KLHL1: variants seen among roughly 807,000 people sequenced by gnomAD.
The protein encoded by KLHL1 is kelch-like protein 1.
In KLHL1, 47 loss-of-function variants were observed where a neutral mutation model predicts 77.7. The ratio of observed to expected loss-of-function variants is 0.60; its 90% CI spans 0.48 to 0.77. KLHL1 has a LOEUF of 0.77. KLHL1 is among the 30% of genes least tolerant of loss of function. The pLI, the probability that KLHL1 is intolerant of heterozygous loss-of-function variation, is 0.00. For synonymous variants in KLHL1, 360 were observed against 325.2 expected (o/e 1.11, Z -1.15); for missense variants, 925 against 910.8 (o/e 1.02, Z -0.20).
intron 4 of KLHL1, among the ~76,000 whole-genome samples, chr13:69,893,226 ATTT>A (rs1175438919): frequency 2.1e-5 from 3 of 142,442 alleles, no homozygotes; most frequent in Non-Finnish European, 3.1e-5. Context: ...AGCTACATAA[ATTT>A]TTTTTTTTTT....
chr13:70,005,290 C>A (rs1179050353), intron 1 of KLHL1, among the ~76,000 whole-genome samples: 2 of 151,834 alleles, frequency 1.3e-5, no homozygotes, highest in African/African-American at 4.8e-5. Context: ...ATTTATCTTA[C>A]CAAATTAAAT....
intron 1 of KLHL1, among the ~76,000 whole-genome samples, chr13:70,060,071 CT>C (rs1170171408): frequency 6.6e-6 from 1 of 152,098 alleles, no homozygotes; most frequent in African/African-American, 2.4e-5. Flanking sequence ...ACATAAGGAA[CT>C]TGGAAAAATC....
At chr13:70,024,329 A>C (rs1389426081) in intron 1 of KLHL1, among the ~76,000 whole-genome samples, 2 of 151,908 alleles carry the variant, frequency 1.3e-5, no homozygotes, top group Non-Finnish European at 2.9e-5. Flanking sequence ...GATAACCATA[A>C]CACTTCTGAA....
At chr13:69,756,723 C>G (rs1477384476) in intron 7 of KLHL1, among the ~76,000 whole-genome samples, 1 of 152,102 alleles carries the variant, frequency 6.6e-6, no homozygotes. Context: ...ATGATGTGGC[C>G]TCTGTGGTGT....
intron 1 of KLHL1, among the ~76,000 whole-genome samples, chr13:70,095,867 C>T (rs1187817995): frequency 6.6e-6 from 1 of 151,664 alleles, no homozygotes; most frequent in Non-Finnish European, 1.5e-5. Context: ...TTTCCAGATG[C>T]TGGTAACCAT....
At chr13:69,865,094 G>C (rs1367349422) in intron 5 of KLHL1, among the ~76,000 whole-genome samples, 1 of 152,036 alleles carries the variant, frequency 6.6e-6, no homozygotes, top group East Asian at 1.9e-4. Context: ...CTACAGGCAT[G>C]CATGTATATT....
chr13:69,979,305 G>A (rs1325461586), intron 1 of KLHL1, among the ~76,000 whole-genome samples: 1 of 151,926 alleles, frequency 6.6e-6, no homozygotes, highest in Non-Finnish European at 1.5e-5. Context: ...AAATGGTTAT[G>A]TTTGTTTCAC....
At chr13:69,720,851 A>C (rs916438475) in intron 8 of KLHL1, among the ~76,000 whole-genome samples, 1 of 150,144 alleles carries the variant, frequency 6.7e-6, no homozygotes, top group Non-Finnish European at 1.5e-5. Flanking sequence ...TACAAGGTGC[A>C]TGTAGACTTT....
At chr13:69,713,690 T>C (rs1270489005) in intron 9 of KLHL1, among the ~76,000 whole-genome samples, 2 of 151,602 alleles carry the variant, frequency 1.3e-5, no homozygotes, top group Non-Finnish European at 2.9e-5. Flanking sequence ...GATCCTAATA[T>C]ATTTGAAATG....
At chr13:69,905,543 A>C (rs1178199168) in intron 4 of KLHL1, among the ~76,000 whole-genome samples, 1 of 152,066 alleles carries the variant, frequency 6.6e-6, no homozygotes, top group African/African-American at 2.4e-5. Context: ...TTAAAAAGTA[A>C]GACCAAATTC....
chr13:69,713,451 T>G (rs1270091263), intron 9 of KLHL1, among the ~76,000 whole-genome samples: 1 of 152,174 alleles, frequency 6.6e-6, no homozygotes, highest in Admixed American at 6.6e-5. Flanking sequence ...CATTAATTTA[T>G]TTTTCAAGTT....
intron 7 of KLHL1, among the ~76,000 whole-genome samples, chr13:69,753,851 AT>A (rs1426256161): frequency 3.4e-5 from 5 of 145,048 alleles, no homozygotes; most frequent in Non-Finnish European, 7.7e-5. Flanking sequence ...GAAAAAAAAA[AT>A]TTTGAGACCA....
intron 5 of KLHL1, among the ~76,000 whole-genome samples, chr13:69,857,241 C>G (rs757965407): frequency 1.4e-4 from 21 of 152,168 alleles, no homozygotes; most frequent in Admixed American, 3.3e-4. Flanking sequence ...CTTCCTGAGT[C>G]CCTGACAAAC....
At chr13:69,777,787 C>G (rs533487280) in intron 7 of KLHL1, among the ~76,000 whole-genome samples, 1 of 152,100 alleles carries the variant, frequency 6.6e-6, no homozygotes, top group Non-Finnish European at 1.5e-5. Context: ...ATAACTAACT[C>G]TTTATTTAAA....
In KLHL1 at chr13:69,975,615, T is replaced by C. The variant is rs1304752339; in HGVS notation, c.680+5A>G. On this transcript the variant is annotated splice_donor_5th_base_variant and intron_variant, in intron 2 of 10. Coordinates refer to ENST00000377844, the MANE Select transcript of KLHL1 (RefSeq NM_020866.3). Reference sequence around the variant, plus strand: ...CATGTTTCCAGTAGAGGCAGACTACTGTACCTATGTGCAGGTATCTTTCGG... The same window carrying C: ...CATGTTTCCAGTAGAGGCAGACTACCGTACCTATGTGCAGGTATCTTTCGG... 1.9e-6 allele frequency: 3 copies of C among 1,612,094 alleles called. No individual in the cohort carries two copies. The highest frequency in any genetic ancestry group is 1.7e-6 in the Non-Finnish European group (2 of 1,179,006).
At chr13:70,081,953 G>A (rs766318431) in intron 1 of KLHL1, among the ~76,000 whole-genome samples, 1 of 152,176 alleles carries the variant, frequency 6.6e-6, no homozygotes, top group Non-Finnish European at 1.5e-5. Context: ...CAATGTGGGA[G>A]GAGGAGGCTG....
At chr13:69,899,357 GC>G (rs1164015879) in intron 4 of KLHL1, among the ~76,000 whole-genome samples, 1 of 152,076 alleles carries the variant, frequency 6.6e-6, no homozygotes, top group Non-Finnish European at 1.5e-5. Flanking sequence ...AAAGAAAGAA[GC>G]TACTCTCATT....
intron 7 of KLHL1, among the ~76,000 whole-genome samples, chr13:69,757,476 T>TC (rs1874802435): frequency 6.6e-6 from 1 of 152,190 alleles, no homozygotes; most frequent in Non-Finnish European, 1.5e-5. Flanking sequence ...TTGACAGTAG[T>TC]CCCCATATAA....
At chr13:70,051,335 T>C (rs1424686163) in intron 1 of KLHL1, among the ~76,000 whole-genome samples, 2 of 152,048 alleles carry the variant, frequency 1.3e-5, no homozygotes, top group African/African-American at 4.8e-5. Flanking sequence ...TGAAAATGAA[T>C]GGCAGATGGT....
Sources: gnomAD v4.1 joint callset for allele counts (sites outside exome capture counted in the v4.1 genomes callset) on GRCh38, gnomAD v4.1.1 for gene constraint, MANE v1.5 for transcripts, NCBI Gene and HGNC (gene_info 2026-07-23, HGNC 2026-07-21) for gene names.